TULP4: variants seen among roughly 807,000 people sequenced by gnomAD.
TULP4 encodes TUB like protein 4.
Under a neutral mutation model 129.0 loss-of-function variants are expected in TULP4, and 16 were observed. That is an observed-to-expected ratio of 0.12 (90% CI 0.08 to 0.19). TULP4 has a LOEUF of 0.19. Ranked by LOEUF, TULP4 falls within the 10% of genes least tolerant of loss-of-function variation. The pLI, the probability that TULP4 is intolerant of heterozygous loss-of-function variation, is 1.00. For missense variants in TULP4, 1,842 were observed against 2,059.1 expected, an observed-to-expected ratio of 0.89 and a Z score of 2.04; for synonymous variants, 998 against 854.0, an observed-to-expected ratio of 1.17 and a Z score of -2.94.
intron 2 of TULP4, among the ~76,000 whole-genome samples, chr6:158,425,222 A>C (rs1778453451): frequency 6.7e-6 from 1 of 148,984 alleles, no homozygotes; most frequent in Non-Finnish European, 1.5e-5. Flanking sequence ...AATTAAAATG[A>C]CTGACAACAG....
intron 3 of TULP4, among the ~76,000 whole-genome samples, chr6:158,436,941 T>TC (rs1261237575): frequency 6.6e-6 from 1 of 152,196 alleles, no homozygotes; most frequent in East Asian, 1.9e-4. Context: ...AGGTCCCAAG[T>TC]CCCTTCTCAT....
intron 2 of TULP4, among the ~76,000 whole-genome samples, chr6:158,417,041 A>T (rs549799241): frequency 7.2e-5 from 11 of 152,324 alleles, no homozygotes; most frequent in Admixed American, 5.2e-4. Context: ...CCCTGTGATG[A>T]TCACACAACA....
chr6:158,276,626 A>G (rs1224659927), intron 1 of TULP4, among the ~76,000 whole-genome samples: 2 of 152,166 alleles, frequency 1.3e-5, no homozygotes, highest in African/African-American at 2.4e-5. Flanking sequence ...AGGTGACAGT[A>G]GGTCAATATA....
intron 1 of TULP4, among the ~76,000 whole-genome samples, chr6:158,316,379 T>C (rs559827833): frequency 1.1e-4 from 16 of 152,376 alleles, no homozygotes; most frequent in African/African-American, 3.6e-4. Flanking sequence ...ATCATTAATG[T>C]ATGAAAGTTT....
chr6:158,448,170 A>G (rs1175513010), intron 3 of TULP4, among the ~76,000 whole-genome samples: 2 of 152,112 alleles, frequency 1.3e-5, no homozygotes, highest in Non-Finnish European at 2.9e-5. Context: ...ATTGTTCTTT[A>G]GCTCTGGCCA....
intron 5 of TULP4, among the ~76,000 whole-genome samples, chr6:158,457,088 T>C (rs1427989281): frequency 1.3e-5 from 2 of 152,144 alleles, no homozygotes; most frequent in Non-Finnish European, 1.5e-5. Context: ...AGACGGCACA[T>C]GGCAATGTTT....
At chr6:158,432,505 A>T (rs1778653553) in intron 3 of TULP4, among the ~76,000 whole-genome samples, 1 of 152,164 alleles carries the variant, frequency 6.6e-6, no homozygotes, top group South Asian at 2.1e-4. Flanking sequence ...CCTCTTCCTC[A>T]CATCTTGAGC....
chr6:158,323,089 T>C (rs942598159), intron 1 of TULP4, among the ~76,000 whole-genome samples: 6 of 152,230 alleles, frequency 3.9e-5, no homozygotes, highest in Non-Finnish European at 8.8e-5. Flanking sequence ...AGCATGTGAC[T>C]GTACTCACCT....
intron 1 of TULP4, among the ~76,000 whole-genome samples, chr6:158,255,150 C>G (rs1432961501): frequency 6.6e-6 from 1 of 152,172 alleles, no homozygotes; most frequent in Non-Finnish European, 1.5e-5. Flanking sequence ...TGTGGCCTCC[C>G]TCTGCATGGA....
At chr6:158,298,785 T>G (rs1385532467) in intron 1 of TULP4, among the ~76,000 whole-genome samples, 1 of 152,302 alleles carries the variant, frequency 6.6e-6, no homozygotes, top group East Asian at 1.9e-4. Context: ...TGAGTCTACG[T>G]TGATACTGAG....
intron 1 of TULP4, among the ~76,000 whole-genome samples, chr6:158,326,681 C>G (rs187789083): frequency 6.6e-6 from 1 of 152,266 alleles, no homozygotes; most frequent in East Asian, 1.9e-4. Context: ...AGAATTTTGT[C>G]TTCACATTTC....
chr6:158,395,215 C>T (rs575772904), intron 1 of TULP4, among the ~76,000 whole-genome samples: 7 of 152,240 alleles, frequency 4.6e-5, no homozygotes, highest in African/African-American at 1.7e-4. Flanking sequence ...CCATGTTTCC[C>T]TGGGTTGATC....
intron 1 of TULP4, among the ~76,000 whole-genome samples, chr6:158,376,421 C>G (rs1331001635): frequency 6.6e-6 from 1 of 152,210 alleles, no homozygotes; most frequent in Admixed American, 6.5e-5. Context: ...GTGGCCTCTT[C>G]CGCATCCCCG....
chr6:158,443,845 T>C (rs1778953965), intron 3 of TULP4, among the ~76,000 whole-genome samples: 1 of 152,106 alleles, frequency 6.6e-6, no homozygotes, highest in African/African-American at 2.4e-5. Context: ...TCAGTGACTG[T>C]TTATTTAGTT....
Position 158,503,157 on chromosome 6 carries a change from G to A in TULP4, c.3494G>A (p.Arg1165Gln), listed in dbSNP as rs144691972. ...CAGGGCCAGCACCTGGACGTGTCCCGACTGCCCTTCATCTCCCCCAAGTCT... is the reference window on the plus strand; with the variant it reads ...CAGGGCCAGCACCTGGACGTGTCCCAACTGCCCTTCATCTCCCCCAAGTCT... ...LSQGQHLDVSRLPFISPKSPA... is the reference protein window; with the variant it reads ...LSQGQHLDVSQLPFISPKSPA... The change falls in exon 13 of 14, where the codon CGA (arginine) becomes CAA (glutamine). Residue 1165 changes from arginine (R) to glutamine (Q), a missense_variant. By Grantham distance (43) the Arg-to-Gln change is conservative (BLOSUM62 1). Transcript: ENST00000367097. The surrounding 1 kb of genome is among the most constrained non-coding windows in gnomAD (Gnocchi z 4.3). 51 of 1,613,232 alleles carry A rather than the reference G, an allele frequency of 3.2e-5. No individual in the cohort carries two copies. Among genetic ancestry groups the A allele is most frequent in the East Asian group, 1.1e-4 (5 of 44,860 alleles).
At position 158,510,625 on chromosome 6, in the gene TULP4, C is replaced by A. The variant is rs1280068616; in HGVS notation, c.*3931C>A. 2.0e-5 allele frequency: 3 copies of A among 152,176 alleles called. No homozygotes were observed. The highest frequency in any genetic ancestry group is 2.9e-5 in the Non-Finnish European group (2 of 68,040). 9.4% of individuals were successfully genotyped at this position (152,176 alleles called of 1,614,324 possible). A position where few individuals can be genotyped will look rare whatever the true frequency, so the allele number is the denominator to read the frequency against. Reference sequence around the variant, plus strand: ...TAAACCAGTGCATTTAAAGTAATATCTTTTGTGCACCTCTAAATGTGTTTG... The same window carrying A: ...TAAACCAGTGCATTTAAAGTAATATATTTTGTGCACCTCTAAATGTGTTTG... On this transcript the variant is annotated 3_prime_UTR_variant, in exon 14 of 14. Transcript: ENST00000367097.
chr6:158,344,634 T>C (rs896989757), intron 1 of TULP4, among the ~76,000 whole-genome samples: 1 of 152,180 alleles, frequency 6.6e-6, no homozygotes, highest in African/African-American at 2.4e-5. Flanking sequence ...AAATGTTGTA[T>C]GTGTTATGAC....
In TULP4 at chr6:158,493,387, T is replaced by G. The variant is rs1780258974; in HGVS notation, c.1632-186T>G. Among the ~76,000 whole-genome samples the G allele has an allele frequency of 6.6e-6, 1 of 152,226 alleles. No individual in the cohort carries two copies. Among genetic ancestry groups the G allele is most frequent in the Non-Finnish European group, 1.5e-5 (1 of 68,042 alleles). On this transcript the variant is annotated intron_variant, in intron 9 of 13. Coordinates refer to ENST00000367097, the MANE Select transcript of TULP4 (RefSeq NM_020245.5). This position sits in a 1 kb window ranked among gnomAD's most constrained non-coding sequence, Gnocchi z 4.4. ...ATGTATATTATTCAATGTAAAGTTG[T>G]CATTCTTTCCTCATATTCATAAAGC...
chr6:158,354,286 C>T (rs1168912003), intron 1 of TULP4, among the ~76,000 whole-genome samples: 1 of 152,038 alleles, frequency 6.6e-6, no homozygotes, highest in Non-Finnish European at 1.5e-5. Context: ...ATATGAATAG[C>T]CTTTATGTGT....
Sources: gnomAD v4.1 joint callset for allele counts (sites outside exome capture counted in the v4.1 genomes callset) on GRCh38, gnomAD v4.1.1 for gene constraint, Gnocchi (gnomAD v3.1) non-coding constraint, MANE v1.5 for transcripts, NCBI Gene and HGNC (gene_info 2026-07-23, HGNC 2026-07-21) for gene names.